The following TLK1 variants were observed in gnomAD, a reference collection of about 807,000 sequenced individuals.
TLK1 encodes the protein serine/threonine-protein kinase tousled-like 1.
A neutral mutation model predicts 105.3 loss-of-function variants in TLK1; 24 were observed. That is an observed-to-expected ratio of 0.23 (90% CI 0.17 to 0.32). The LOEUF is 0.32. Among genes scored for constraint, TLK1 ranks in the 10% least tolerant of loss-of-function variants. The pLI is 1.00. For missense variants in TLK1, 558 were observed against 910.5 expected (o/e 0.61, Z 4.98); for synonymous variants, 321 against 310.4 (o/e 1.03, Z -0.36).
intron 12 of TLK1, among the ~76,000 whole-genome samples, chr2:171,027,577 T>A (rs969740809): frequency 6.6e-6 from 1 of 152,224 alleles, no homozygotes; most frequent in Non-Finnish European, 1.5e-5. Context: ...CATCTTCTAA[T>A]CGAAACATCA....
chr2:171,059,931 T>C, intron 4 of TLK1: 1 of 1,502,286 alleles, frequency 6.7e-7, no homozygotes, highest in Non-Finnish European at 9.3e-7. Context: ...CACCTCCTGC[T>C]GTACGACCCA....
chr2:171,224,784 C>T (rs984711850), intron 1 of TLK1, among the ~76,000 whole-genome samples: 15 of 152,144 alleles, frequency 9.9e-5, no homozygotes, highest in African/African-American at 3.4e-4. Context: ...GGAAGAGTCA[C>T]ATTTCTTAGT....
At chr2:171,141,336 G>T (rs1691566033) in intron 1 of TLK1, among the ~76,000 whole-genome samples, 1 of 152,168 alleles carries the variant, frequency 6.6e-6, no homozygotes, top group African/African-American at 2.4e-5. Context: ...TGTCTACTGA[G>T]AACTTAAAAT....
intron 2 of TLK1, among the ~76,000 whole-genome samples, chr2:171,084,967 A>C (rs969968544): frequency 6.6e-6 from 1 of 152,190 alleles, no homozygotes; most frequent in Non-Finnish European, 1.5e-5. Context: ...AATCAAAAGA[A>C]ATGAAGAGAT....
At chr2:170,994,087 T>TAA in intron 20 of TLK1, 131 bp from the exon 21 acceptor site, 9 of 940,292 alleles carry the variant, frequency 9.6e-6, no homozygotes, top group South Asian at 3.2e-5. Context: ...GTTCAAACCT[T>TAA]AAAAAAAAAA....
intron 1 of TLK1, among the ~76,000 whole-genome samples, chr2:171,152,257 T>C (rs1186746850): frequency 6.6e-6 from 1 of 152,252 alleles, no homozygotes; most frequent in African/African-American, 2.4e-5. Context: ...AAAATACTTA[T>C]ATTTGGCTAA....
At chr2:171,002,024 G>A (rs1053276968) in intron 18 of TLK1, among the ~76,000 whole-genome samples, 13 of 152,012 alleles carry the variant, frequency 8.6e-5, no homozygotes, top group African/African-American at 2.7e-4. Context: ...TGATCCGCCC[G>A]CCTGGGCCTC....
rs545043758 is a variant in TLK1 at position 171,097,316 on chromosome 2, T to C, written c.259-14464A>G. ...CTGGACCCTTATCTCATACCATATA[T>C]AAAAATCAACTCAAAATGAATTAAA... On this transcript the variant is annotated intron_variant, in intron 2 of 20. Transcript: ENST00000431350. Among the ~76,000 whole-genome samples the C allele has an allele frequency of 3.8e-4, 58 of 152,192 alleles. 1 individual carries two copies. The highest frequency in any genetic ancestry group is 3.4e-3 in the Middle Eastern group (1 of 294).
intron 1 of TLK1, among the ~76,000 whole-genome samples, chr2:171,145,744 T>C (rs887183311): frequency 2.2e-4 from 33 of 152,226 alleles, no homozygotes; most frequent in Admixed American, 1.2e-3. Flanking sequence ...AATATTATAG[T>C]GCAATTAAAA....
At chr2:171,066,904 T>G (rs1381648531) in intron 3 of TLK1, 2 of 1,550,968 alleles carry the variant, frequency 1.3e-6, no homozygotes, top group African/African-American at 1.4e-5. Flanking sequence ...TGCTGAAGGG[T>G]GGGGGTTGGG....
At chr2:171,112,011 G>C (rs1690197320) in intron 2 of TLK1, among the ~76,000 whole-genome samples, 1 of 152,198 alleles carries the variant, frequency 6.6e-6, no homozygotes, top group Admixed American at 6.5e-5. Flanking sequence ...GAGTGCAGTG[G>C]CATGACCCTG....
intron 2 of TLK1, among the ~76,000 whole-genome samples, chr2:171,096,073 GAATA>G (rs1689439658): frequency 6.6e-6 from 1 of 152,026 alleles, no homozygotes; most frequent in Admixed American, 6.6e-5. Flanking sequence ...TGTCAGAAAA[GAATA>G]AATAAAATTA....
At chr2:171,012,797 A>T (rs1429575294) in intron 13 of TLK1, among the ~76,000 whole-genome samples, 1 of 151,928 alleles carries the variant, frequency 6.6e-6, no homozygotes, top group Non-Finnish European at 1.5e-5. Context: ...GTATTTTATT[A>T]TTTTTTTCAA....
intron 3 of TLK1, among the ~76,000 whole-genome samples, chr2:171,074,489 A>T (rs1483526745): frequency 6.6e-6 from 1 of 152,086 alleles, no homozygotes. Flanking sequence ...CTAACCAGGC[A>T]AGCTGGTGGG....
At chr2:171,019,511 A>C (rs1215406234) in intron 12 of TLK1, among the ~76,000 whole-genome samples, 2 of 152,240 alleles carry the variant, frequency 1.3e-5, no homozygotes, top group Non-Finnish European at 2.9e-5. Flanking sequence ...TAAAACCAAT[A>C]CATTTCCTGA....
intron 1 of TLK1, among the ~76,000 whole-genome samples, chr2:171,147,863 G>A (rs1691852849): frequency 6.6e-6 from 1 of 151,818 alleles, no homozygotes; most frequent in East Asian, 1.9e-4. Context: ...TGGATTAGCA[G>A]TGTTTATACT....
intron 1 of TLK1, among the ~76,000 whole-genome samples, chr2:171,152,036 CATTCATCCTCAG>C (rs957866017): frequency 6.6e-6 from 1 of 152,176 alleles, no homozygotes; most frequent in African/African-American, 2.4e-5. Flanking sequence ...AGAGGAACTA[CATTCATCCTCAG>C]ATAGGAAGCA....
intron 11 of TLK1, among the ~76,000 whole-genome samples, chr2:171,032,520 A>G (rs1686094457): frequency 6.6e-6 from 1 of 152,232 alleles, no homozygotes. Context: ...TATAATACCT[A>G]GGAATAAATT....
At chr2:171,043,402 G>A (rs1686785929) in intron 11 of TLK1, among the ~76,000 whole-genome samples, 2 of 152,182 alleles carry the variant, frequency 1.3e-5, no homozygotes, top group African/African-American at 2.4e-5. Context: ...AACGAAGAAG[G>A]AGCCAGATCA....
Sources: gnomAD v4.1 joint callset for allele counts (sites outside exome capture counted in the v4.1 genomes callset) on GRCh38, gnomAD v4.1.1 for gene constraint, MANE v1.5 for transcripts, NCBI Gene and HGNC (gene_info 2026-07-23, HGNC 2026-07-21) for gene names.